Variants in UBE2Z observed in about 807,000 individuals in gnomAD.
The protein encoded by UBE2Z is ubiquitin conjugating enzyme E2 Z, also known as ubiquitin-conjugating enzyme E2 Z.
In UBE2Z, 10 loss-of-function variants were observed where a neutral mutation model predicts 32.6. The ratio of observed to expected loss-of-function variants is 0.31; its 90% CI spans 0.19 to 0.52. UBE2Z has a LOEUF of 0.52. Ranked by LOEUF, UBE2Z falls within the 20% of genes least tolerant of loss-of-function variation. UBE2Z has a pLI of 0.97. For missense variants in UBE2Z, 343 were observed against 480.9 expected, an observed-to-expected ratio of 0.71 and a Z score of 2.68; for synonymous variants, 183 against 190.8, an observed-to-expected ratio of 0.96 and a Z score of 0.34.
At chr17:48,915,511 A>G (rs1239566201) in intron 3 of UBE2Z, among the ~76,000 whole-genome samples, 1 of 152,120 alleles carries the variant, frequency 6.6e-6, no homozygotes, top group Non-Finnish European at 1.5e-5. Flanking sequence ...CAGACCTTCC[A>G]CTGTCTGGAA....
intron 1 of UBE2Z, among the ~76,000 whole-genome samples, chr17:48,909,317 A>G (rs62075824): frequency 0.41 from 62,603 of 151,446 alleles, 15,377 homozygotes; most frequent in East Asian, 0.71. Flanking sequence ...ACTCGAGCCA[A>G]CCTTTCTTTT....
At chr17:48,921,021 G>A in intron 4 of UBE2Z, 139 bp from the exon 5 acceptor site, 1 of 638,988 alleles carries the variant, frequency 1.6e-6, no homozygotes, top group South Asian at 1.9e-5. Flanking sequence ...TGCTCTTCAT[G>A]GATCTGCCAT....
chr17:48,925,556 C>T (rs2040792075), intron 6 of UBE2Z, among the ~76,000 whole-genome samples: 1 of 152,112 alleles, frequency 6.6e-6, no homozygotes, highest in Non-Finnish European at 1.5e-5. Flanking sequence ...GAGAGTATAT[C>T]AATGACATAT....
chr17:48,927,350 C>T lies in UBE2Z; in HGVS notation c.*216C>T, dbSNP rs2040805193. On this transcript the variant is annotated 3_prime_UTR_variant, in exon 7 of 7. Coordinates refer to ENST00000360943, the MANE Select transcript of UBE2Z (RefSeq NM_023079.5). ...CTGGAGCATCTGGGGCTTCGTTCAT[C>T]CATTCATCCCGTATCAGGGGCCAAG... 5.4e-6 allele frequency: 3 copies of T among 552,118 alleles called. No individual in the cohort carries two copies. The East Asian group carries it at 8.8e-5, about 16-fold the overall frequency. 34.2% of individuals were successfully genotyped at this position (552,118 alleles called of 1,614,324 possible).
chr17:48,910,335 C>A (rs1384298792), intron 1 of UBE2Z: 1 of 159,156 alleles, frequency 6.3e-6, no homozygotes, highest in African/African-American at 2.4e-5. Flanking sequence ...TTGCTTCATA[C>A]AATCCCCTTA....
Position 48,908,627 on chromosome 17 carries a change from C to T in UBE2Z, c.124C>T (p.Leu42=). 8.1e-7 allele frequency: 1 copy of T among 1,234,258 alleles called. No homozygotes were observed. Among genetic ancestry groups the T allele is most frequent in the East Asian group, 3.2e-5 (1 of 31,186 alleles). 76.5% of individuals were successfully genotyped at this position (1,234,258 alleles called of 1,614,324 possible). A position where few individuals can be genotyped will look rare whatever the true frequency, so the allele number is the denominator to read the frequency against. The change falls in exon 1 of 7, where the codon CTG becomes TTG. Residue 42 remains leucine (L), a synonymous_variant. Coordinates refer to ENST00000360943, the MANE Select transcript of UBE2Z (RefSeq NM_023079.5). ...GSGGGFGPPF[L]PDVWAAAAAA... is the part of the protein sequence containing the mutation. ...CGGCGGCGGGTTCGGGCCGCCTTTCCTGCCGGATGTGTGGGCGGCGGCGGC... is the reference window on the plus strand; with the variant it reads ...CGGCGGCGGGTTCGGGCCGCCTTTCTTGCCGGATGTGTGGGCGGCGGCGGC...
At chr17:48,924,975 C>T (rs1192306582) in intron 6 of UBE2Z, among the ~76,000 whole-genome samples, 1 of 151,446 alleles carries the variant, frequency 6.6e-6, no homozygotes, top group Non-Finnish European at 1.5e-5. Flanking sequence ...TACTGGTGGT[C>T]TTGCTTAGAA....
At position 48,912,869 on chromosome 17, in the gene UBE2Z, T is replaced by C. The variant is rs1338940526; in HGVS notation, c.426T>C (p.Pro142=). The C allele has an allele frequency of 1.8e-5, 29 of 1,613,742 alleles. No homozygotes were observed. Among genetic ancestry groups the C allele is most frequent in the Non-Finnish European group, 2.5e-5 (29 of 1,179,860 alleles). Residue 142 remains proline (P), a synonymous_variant, in exon 3 of 7, where the codon CCT becomes CCC. Coordinates refer to ENST00000360943, the MANE Select transcript of UBE2Z (RefSeq NM_023079.5). ...HALITGPFDT[P]YEGGFFLFVF... ...TGATCACAGGCCCATTTGACACTCC[T>C]TATGAAGGGGGTTTCTTCCTGTTCG...
intron 3 of UBE2Z, among the ~76,000 whole-genome samples, chr17:48,914,780 T>A (rs941530252): frequency 6.6e-6 from 1 of 152,158 alleles, no homozygotes; most frequent in African/African-American, 2.4e-5. Flanking sequence ...ATCCCAGCAC[T>A]TTGGGAGGCC....
chr17:48,921,046 A>G, intron 4 of UBE2Z, 114 bp from the exon 5 acceptor site: 2 of 781,290 alleles, frequency 2.6e-6, no homozygotes, highest in East Asian at 2.7e-5. Flanking sequence ...TGGGAAAGGT[A>G]TCTTTTTAGT....
intron 4 of UBE2Z, 54 bp from the exon 5 acceptor site, chr17:48,921,106 T>C (rs1474548007): frequency 7.6e-6 from 11 of 1,446,400 alleles, no homozygotes; most frequent in African/African-American, 1.4e-5. Context: ...TCCCTTCCCA[T>C]TGGTTTTCTT....
At chr17:48,920,674 G>T (rs1253612071) in intron 4 of UBE2Z, among the ~76,000 whole-genome samples, 1 of 151,912 alleles carries the variant, frequency 6.6e-6, no homozygotes, top group Non-Finnish European at 1.5e-5. Context: ...CTCCAGCCTG[G>T]GCAACAGCAA....
intron 2 of UBE2Z, chr17:48,912,451 T>C (rs2040687037): frequency 5.7e-6 from 1 of 176,488 alleles, no homozygotes; most frequent in Non-Finnish European, 1.2e-5. Context: ...TAGATAAGCA[T>C]ATTATATTTT....
intron 1 of UBE2Z, chr17:48,910,604 T>G (rs2040669099): frequency 2.2e-6 from 1 of 462,894 alleles, no homozygotes; most frequent in Non-Finnish European, 3.9e-6. Flanking sequence ...CAATGCCCTT[T>G]TGATAATAAT....
chr17:48,912,312 C>G (rs1328116655), intron 2 of UBE2Z: 1 of 154,554 alleles, frequency 6.5e-6, no homozygotes, highest in African/African-American at 2.4e-5. Flanking sequence ...ATCATACTTT[C>G]CCTTCGTGCC....
At chr17:48,913,680 A>G (rs934069965) in intron 3 of UBE2Z, among the ~76,000 whole-genome samples, 6 of 152,116 alleles carry the variant, frequency 3.9e-5, no homozygotes, top group Non-Finnish European at 7.4e-5. Context: ...CAAGCTCTCC[A>G]GATGATTGTG....
chr17:48,916,072 A>G lies in UBE2Z; in HGVS notation c.579-4A>G. 2.5e-6 allele frequency: 4 copies of G among 1,583,454 alleles called. No homozygotes were observed. The highest frequency in any genetic ancestry group is 3.4e-6 in the Non-Finnish European group (4 of 1,167,788). ...ACCCTCCATTCCTTCTGATGTGTTT[A>G]CAGTACATGGACTGGACCTGCCTGG... On this transcript the variant is annotated splice_polypyrimidine_tract_variant and splice_region_variant and intron_variant, in intron 3 of 6. Coordinates refer to ENST00000360943, the MANE Select transcript of UBE2Z (RefSeq NM_023079.5).
In UBE2Z at chr17:48,908,736, C is replaced by T; in HGVS notation, c.233C>T (p.Ala78Val). The T allele has an allele frequency of 6.8e-7, 1 of 1,473,376 alleles. No homozygotes were observed. The highest frequency in any genetic ancestry group is 9.0e-7 in the Non-Finnish European group (1 of 1,115,702). The allele number at this position is 1,473,376 out of a possible 1,614,324, so 91.3% of individuals were successfully genotyped here. A position where few individuals can be genotyped will look rare whatever the true frequency, so the allele number is the denominator to read the frequency against. ...LPPSAAAHGA[A>V]LLSHWDPTLS... ...CCCTCAGCCGCTGCCCACGGGGCCG[C>T]GCTGCTTAGCCACTGGGACCCCACG... Residue 78 changes from alanine to valine, a missense_variant, in exon 1 of 7, where the codon GCG (alanine) becomes GTG (valine). Physicochemically the swap from Ala to Val is moderately conservative, Grantham distance 64. Around this residue, in one of 4 missense-constraint regions of UBE2Z, gnomAD observed 55 missense variants for 56.2 expected, o/e 0.98. Transcript: ENST00000360943.
intron 4 of UBE2Z, 71 bp downstream of exon 4, chr17:48,916,258 G>GTTTGTTTT (rs2040718829): frequency 7.6e-5 from 32 of 419,022 alleles, no homozygotes; most frequent in African/African-American, 8.8e-5. Flanking sequence ...TGGTTTTTTT[G>GTTTGTTTT]TTTTTTTTTT....
Sources: allele counts gnomAD v4.1 joint callset (sites outside exome capture counted in the v4.1 genomes callset), GRCh38; gene constraint gnomAD v4.1.1; regional missense constraint gnomAD v4.1.1; transcripts MANE v1.5; gene names NCBI Gene and HGNC (gene_info 2026-07-23, HGNC 2026-07-21).